LIN54: variants seen among roughly 807,000 people sequenced by gnomAD.
LIN54 encodes lin-54 DREAM MuvB core complex component.
A neutral mutation model predicts 78.7 loss-of-function variants in LIN54; 9 were observed. The observed-to-expected ratio is 0.11, with a 90% CI of 0.07 to 0.20. The LOEUF (loss-of-function observed/expected upper bound fraction) is 0.20. Among genes scored for constraint, LIN54 ranks in the 10% least tolerant of loss-of-function variants. The pLI is 1.00. For synonymous variants in LIN54, 269 were observed against 318.4 expected (o/e 0.84, Z 1.65); for missense variants, 573 against 889.9 (o/e 0.64, Z 4.53).
At chr4:82,979,939 C>CAAAAAAAAAAAAAAAAAAA in intron 2 of LIN54, among the ~76,000 whole-genome samples, 1 of 49,852 alleles carries the variant, frequency 2.0e-5, no homozygotes, top group Non-Finnish European at 3.5e-5. Context: ...GACTCTGTCT[C>CAAAAAAAAAAAAAAAAAAA]AAAAAAAAAA....
In LIN54 at chr4:82,938,490, T is replaced by C; in HGVS notation, c.1455A>G (p.Ser485=). The C allele has an allele frequency of 1.3e-6, 2 of 1,599,600 alleles. No individual in the cohort carries two copies. The highest frequency in any genetic ancestry group is 1.7e-6 in the Non-Finnish European group (2 of 1,167,036). ...TAGAGTTGCTTGCTATTGATACATA[T>C]GAAGACTGCTGTAGCTACATGTAAA... ...AQYVTQLQQS[S]YVSIASNSTF... The change falls in exon 8 of 13, where the codon TCA becomes TCG. Residue 485 remains serine, a synonymous_variant. Transcript: ENST00000340417.
chr4:82,991,824 AC>A (rs1727741560), intron 1 of LIN54, among the ~76,000 whole-genome samples: 1 of 152,126 alleles, frequency 6.6e-6, no homozygotes, highest in Non-Finnish European at 1.5e-5. Context: ...CCTGATATGA[AC>A]CCCACTTGAT....
intron 3 of LIN54, among the ~76,000 whole-genome samples, chr4:82,974,179 C>A (rs1725942540): frequency 6.6e-6 from 1 of 151,558 alleles, no homozygotes; most frequent in East Asian, 1.9e-4. Flanking sequence ...CACTGCACTC[C>A]AGCCTGGGTG....
intron 4 of LIN54, among the ~76,000 whole-genome samples, chr4:82,959,389 G>GGAGGCT (rs2035514808): frequency 6.6e-6 from 1 of 152,034 alleles, no homozygotes. Context: ...TAGCTATTCA[G>GGAGGCT]GAGGCTGAGG....
chr4:82,957,406 T>C (rs1724416944), intron 4 of LIN54, among the ~76,000 whole-genome samples: 1 of 145,898 alleles, frequency 6.9e-6, no homozygotes, highest in African/African-American at 2.5e-5. Context: ...TTATTAAATC[T>C]CTTGTCTCAG....
intron 4 of LIN54, among the ~76,000 whole-genome samples, chr4:82,960,999 G>C (rs1358153806): frequency 1.3e-5 from 2 of 152,122 alleles, no homozygotes; most frequent in African/African-American, 4.8e-5. Flanking sequence ...AGTCAAGGTT[G>C]CAGTGAGCCA....
intron 1 of LIN54, among the ~76,000 whole-genome samples, chr4:82,995,652 C>T (rs1054954852): frequency 2.2e-4 from 34 of 151,612 alleles, no homozygotes; most frequent in Admixed American, 9.2e-4. Flanking sequence ...CGTGCCACCA[C>T]ACCCGGCTAA....
intron 1 of LIN54, among the ~76,000 whole-genome samples, chr4:82,986,865 C>T (rs1727194875): frequency 6.6e-6 from 1 of 152,174 alleles, no homozygotes; most frequent in African/African-American, 2.4e-5. Flanking sequence ...ATCCTCACAA[C>T]AACTCAGAAA....
rs2126020144 is a variant in LIN54, at chr4:82,924,664, C to G, written c.*3438G>C. The G allele has an allele frequency of 6.6e-6, 1 of 151,692 alleles. No homozygotes were observed. The highest frequency in any genetic ancestry group is 1.5e-5 in the Non-Finnish European group (1 of 67,896). 9.4% of individuals were successfully genotyped at this position (151,692 alleles called of 1,614,324 possible). On this transcript the variant is annotated 3_prime_UTR_variant, in exon 13 of 13. Coordinates refer to ENST00000340417, the MANE Select transcript of LIN54 (RefSeq NM_194282.4). ...CCTTATAGCTTTCAACTCATAAAAT[C>G]ACATGGATTAAAAAAAAAAGCTCAC...
chr4:82,970,524 T>G lies in LIN54; in HGVS notation c.809-55A>C, dbSNP rs1414126842. ...ACTTTTTTCAATAATAGTATAAAAA[T>G]TTATGTGATGATGCTCTACACTCAC... On this transcript the variant is annotated intron_variant, in intron 3 of 12. Transcript: ENST00000340417. 2.0e-6 allele frequency: 3 copies of G among 1,498,064 alleles called. No homozygotes were observed. The African/African-American group carries it at 4.2e-5, about 21-fold the overall frequency. 92.8% of individuals were successfully genotyped at this position (1,498,064 alleles called of 1,614,324 possible).
chr4:82,965,765 G>GCTAC (rs1427325232), intron 4 of LIN54, among the ~76,000 whole-genome samples: 3 of 152,128 alleles, frequency 2.0e-5, no homozygotes, highest in Non-Finnish European at 4.4e-5. Context: ...GGTGGTTGAG[G>GCTAC]CTACCCAGTA....
intron 7 of LIN54, 72 bp downstream of exon 7, chr4:82,939,467 C>T (rs1181748533): frequency 7.9e-7 from 1 of 1,273,090 alleles, no homozygotes; most frequent in South Asian, 1.2e-5. Context: ...TGAGTAGCTT[C>T]TGTGATAGCA....
chr4:82,995,306 G>T (rs1728097961), intron 1 of LIN54, among the ~76,000 whole-genome samples: 1 of 150,796 alleles, frequency 6.6e-6, no homozygotes, highest in Non-Finnish European at 1.5e-5. Flanking sequence ...TCTCTGGGGG[G>T]AAAAAAATTA....
intron 1 of LIN54, among the ~76,000 whole-genome samples, chr4:82,995,751 G>C (rs545608050): frequency 6.6e-6 from 1 of 151,446 alleles, no homozygotes; most frequent in Non-Finnish European, 1.5e-5. Context: ...CACCCGCCTC[G>C]GTCTCCCAAA....
intron 1 of LIN54, among the ~76,000 whole-genome samples, chr4:82,988,553 G>A (rs1324039517): frequency 6.6e-6 from 1 of 152,154 alleles, no homozygotes; most frequent in Non-Finnish European, 1.5e-5. Context: ...TAAATATCTA[G>A]AAGATCTGGC....
intron 1 of LIN54, among the ~76,000 whole-genome samples, chr4:82,989,169 C>A (rs184253338): frequency 1.5e-4 from 22 of 151,380 alleles, no homozygotes; most frequent in Non-Finnish European, 3.1e-4. Flanking sequence ...GCCTGGGCAA[C>A]AGAGCCAGAC....
chr4:82,969,771 G>GT (rs1374550958), intron 4 of LIN54, among the ~76,000 whole-genome samples: 1 of 152,128 alleles, frequency 6.6e-6, no homozygotes, highest in East Asian at 1.9e-4. Context: ...AATAACAACT[G>GT]TATGTTTTAG....
chr4:82,969,956 T>TA (rs397701214), intron 4 of LIN54, among the ~76,000 whole-genome samples: 4 of 151,776 alleles, frequency 2.6e-5, no homozygotes, highest in Non-Finnish European at 5.9e-5. Flanking sequence ...CTCCATTTTT[T>TA]AAAGTTACAT....
chr4:82,946,429 T>C lies in LIN54; in HGVS notation c.997A>G (p.Thr333Ala). ...GGAATAATTGTCTTAAACTGTGATG[T>C]GCTCACTCCTCCAACAGTGATGGTC... ...VQTITVGGVSTSQFKTIIPLA... is the reference protein window; with the variant it reads ...VQTITVGGVSASQFKTIIPLA... The change falls in exon 5 of 13, where the codon ACA (threonine) becomes GCA (alanine). Residue 333 changes from threonine (T) to alanine (A), a missense_variant. Coordinates refer to ENST00000340417, the MANE Select transcript of LIN54 (RefSeq NM_194282.4). 6.2e-7 allele frequency: 1 copy of C among 1,614,152 alleles called. No homozygotes were observed. The highest frequency in any genetic ancestry group is 8.5e-7 in the Non-Finnish European group (1 of 1,179,968).
Sources: gnomAD v4.1 joint callset for allele counts (sites outside exome capture counted in the v4.1 genomes callset) on GRCh38, gnomAD v4.1.1 for gene constraint, MANE v1.5 for transcripts, NCBI Gene and HGNC (gene_info 2026-07-23, HGNC 2026-07-21) for gene names.